The following KATNIP variants were observed in gnomAD, a reference collection of about 807,000 sequenced individuals.
The protein encoded by KATNIP is katanin interacting protein, also known as katanin-interacting protein.
Under a neutral mutation model 174.0 loss-of-function variants are expected in KATNIP, and 126 were observed. The ratio of observed to expected loss-of-function variants is 0.72; its 90% CI spans 0.63 to 0.84. The LOEUF is 0.84. Among genes scored for constraint, KATNIP ranks in the 40% least tolerant of loss-of-function variants. The pLI, the probability that KATNIP is intolerant of heterozygous loss-of-function variation, is 0.00. For missense variants in KATNIP, 1,958 were observed against 2,109.7 expected, an observed-to-expected ratio of 0.93 and a Z score of 1.41; for synonymous variants, 810 against 835.7, an observed-to-expected ratio of 0.97 and a Z score of 0.53.
intron 8 of KATNIP, among the ~76,000 whole-genome samples, chr16:27,685,563 C>A (rs2078491439): frequency 1.3e-5 from 2 of 152,144 alleles, no homozygotes; most frequent in Non-Finnish European, 2.9e-5. Flanking sequence ...AAATGCATGT[C>A]ACTGGGTCCA....
intron 14 of KATNIP, among the ~76,000 whole-genome samples, chr16:27,730,547 C>G (rs1466983283): frequency 1.3e-5 from 2 of 152,174 alleles, no homozygotes; most frequent in Admixed American, 6.5e-5. Flanking sequence ...CCCACTGGCC[C>G]CCATAAAACT....
intron 6 of KATNIP, among the ~76,000 whole-genome samples, chr16:27,677,268 C>T (rs1420385820): frequency 2.0e-5 from 3 of 152,084 alleles, no homozygotes; most frequent in Non-Finnish European, 2.9e-5. Context: ...CATTTGGAGG[C>T]CTTTGGGAGT....
At chr16:27,656,210 G>A (rs1466825071) in intron 6 of KATNIP, among the ~76,000 whole-genome samples, 1 of 152,166 alleles carries the variant, frequency 6.6e-6, no homozygotes, top group Admixed American at 6.5e-5. Flanking sequence ...AGGAATGCTT[G>A]AAGCCAGGAG....
chr16:27,591,689 G>A (rs915962194), intron 2 of KATNIP, among the ~76,000 whole-genome samples: 1 of 152,144 alleles, frequency 6.6e-6, no homozygotes, highest in Non-Finnish European at 1.5e-5. Flanking sequence ...TGTATTAGTT[G>A]CTAAAATATG....
intron 6 of KATNIP, among the ~76,000 whole-genome samples, chr16:27,676,960 C>G (rs1005466156): frequency 8.5e-5 from 13 of 152,212 alleles, no homozygotes; most frequent in African/African-American, 2.9e-4. Flanking sequence ...ACATGAGCCA[C>G]TGTCCCAGCT....
chr16:27,651,751 C>CTCTT (rs1274101076), intron 6 of KATNIP, among the ~76,000 whole-genome samples: 20 of 152,344 alleles, frequency 1.3e-4, no homozygotes, highest in African/African-American at 4.3e-4. Flanking sequence ...CGTTGTCTCA[C>CTCTT]TCTTGTCACC....
At position 27,708,768 on chromosome 16, in the gene KATNIP, T is replaced by TC; in HGVS notation, c.1455dup (p.Asn486GlnfsTer17). ...CATCTACGTGACCATGGAGATCCTG[T>TC]CCAACTGGGGCAACTCGTGGTGGGT... On this transcript the variant is annotated frameshift_variant, in exon 13 of 28. Coordinates refer to ENST00000261588, the MANE Select transcript of KATNIP (RefSeq NM_015202.5). LOFTEE classifies it high-confidence loss of function. The TC allele has an allele frequency of 6.2e-7, 1 of 1,613,898 alleles. No homozygotes were observed. The highest frequency in any genetic ancestry group is 2.2e-5 in the East Asian group (1 of 44,858).
chr16:27,644,714 G>C (rs1255039502), intron 5 of KATNIP: 1 of 151,954 alleles, frequency 6.6e-6, no homozygotes, highest in Non-Finnish European at 1.5e-5. Flanking sequence ...TCACTATGTT[G>C]CCCAGACTGG....
At chr16:27,708,562 G>A in intron 12 of KATNIP, 143 bp from the exon 13 acceptor site, 2 of 614,622 alleles carry the variant, frequency 3.3e-6, no homozygotes, top group Non-Finnish European at 5.8e-6. Context: ...GGTAGTGGGT[G>A]CTATTCTTAT....
At chr16:27,600,493 CA>C in intron 2 of KATNIP, among the ~76,000 whole-genome samples, 1 of 152,282 alleles carries the variant, frequency 6.6e-6, no homozygotes, top group East Asian at 1.9e-4. Flanking sequence ...CCCCTGGGAT[CA>C]GCCAGCAGGC....
At chr16:27,641,572 A>T (rs564240035) in intron 5 of KATNIP, among the ~76,000 whole-genome samples, 19 of 152,258 alleles carry the variant, frequency 1.2e-4, no homozygotes, top group African/African-American at 4.3e-4. Flanking sequence ...CAAAAAGCGA[A>T]AACAGGGTGC....
At chr16:27,763,072 T>C (rs1678531693) in intron 19 of KATNIP, among the ~76,000 whole-genome samples, 1 of 152,036 alleles carries the variant, frequency 6.6e-6, no homozygotes, top group Non-Finnish European at 1.5e-5. Flanking sequence ...AATCCCAGCA[T>C]TGGGAGGCCA....
chr16:27,762,367 C>G (rs1252892336), intron 19 of KATNIP, among the ~76,000 whole-genome samples: 2 of 152,190 alleles, frequency 1.3e-5, no homozygotes, highest in East Asian at 3.8e-4. Flanking sequence ...ATGCCAGGCA[C>G]TGGGCTATGC....
At chr16:27,555,374 A>C (rs1317631937) in intron 1 of KATNIP, among the ~76,000 whole-genome samples, 1 of 152,092 alleles carries the variant, frequency 6.6e-6, no homozygotes, top group African/African-American at 2.4e-5. Flanking sequence ...TCTGTGATGC[A>C]GTGTAATGTC....
intron 14 of KATNIP, 70 bp from the exon 15 acceptor site, chr16:27,739,971 T>C: frequency 6.7e-7 from 1 of 1,496,064 alleles, no homozygotes; most frequent in Middle Eastern, 1.8e-4. Context: ...TTTGGTATCT[T>C]CGACTTCCAA....
chr16:27,721,795 G>A (rs568722294), intron 14 of KATNIP, 100 bp downstream of exon 14: 28 of 1,363,706 alleles, frequency 2.1e-5, no homozygotes, highest in African/African-American at 1.6e-4. Context: ...ATGGATACAC[G>A]GAAGCCCTGC....
chr16:27,675,816 C>T (rs1051422251), intron 6 of KATNIP, among the ~76,000 whole-genome samples: 37 of 152,110 alleles, frequency 2.4e-4, no homozygotes, highest in African/African-American at 8.4e-4. Flanking sequence ...ACAAGGGACT[C>T]CTCTGCAAAT....
intron 16 of KATNIP, among the ~76,000 whole-genome samples, 176 bp downstream of exon 16, chr16:27,750,482 C>T (rs1295915580): frequency 1.3e-5 from 2 of 149,560 alleles, no homozygotes; most frequent in African/African-American, 2.5e-5. Flanking sequence ...TGCAGTGGCG[C>T]GATCTTGGCT....
At chr16:27,584,942 GCT>G (rs1264686678) in intron 2 of KATNIP, among the ~76,000 whole-genome samples, 1 of 152,166 alleles carries the variant, frequency 6.6e-6, no homozygotes, top group Non-Finnish European at 1.5e-5. Flanking sequence ...CAAGTACAGG[GCT>G]CAGCTGATAG....
Sources: allele counts gnomAD v4.1 joint callset (sites outside exome capture counted in the v4.1 genomes callset), GRCh38; gene constraint gnomAD v4.1.1; transcripts MANE v1.5; gene names NCBI Gene and HGNC (gene_info 2026-07-23, HGNC 2026-07-21).